The following INPP5A variants were observed in gnomAD, a reference collection of about 807,000 sequenced individuals.
The protein encoded by INPP5A is 43 kDa inositol polyphosphate 5-phophatase.
A neutral mutation model predicts 65.2 loss-of-function variants in INPP5A; 14 were observed. The observed-to-expected ratio is 0.21, with a 90% confidence interval of 0.14 to 0.34. The LOEUF (loss-of-function observed/expected upper bound fraction) is 0.34. Among genes scored for constraint, INPP5A ranks in the 10% least tolerant of loss-of-function variants. The pLI is 1.00. For synonymous variants in INPP5A, 207 were observed against 208.3 expected, an observed-to-expected ratio of 0.99 and a Z score of 0.05; for missense variants, 431 against 545.6, an observed-to-expected ratio of 0.79 and a Z score of 2.09.
chr10:132,548,669 C>T (rs759003093), intron 1 of INPP5A, among the ~76,000 whole-genome samples: 11 of 152,178 alleles, frequency 7.2e-5, no homozygotes, highest in Non-Finnish European at 1.3e-4. Flanking sequence ...TCGCCTGCGC[C>T]GAGGGCACTG....
chr10:132,585,926 T>G (rs1408412120), intron 1 of INPP5A, among the ~76,000 whole-genome samples: 1 of 152,246 alleles, frequency 6.6e-6, no homozygotes, highest in African/African-American at 2.4e-5. Context: ...GATCCCACCC[T>G]GAGGGTGCTG....
At chr10:132,716,789 A>C (rs1845747133) in intron 8 of INPP5A, among the ~76,000 whole-genome samples, 1 of 152,208 alleles carries the variant, frequency 6.6e-6, no homozygotes, top group Non-Finnish European at 1.5e-5. Context: ...AGAGTGAGAA[A>C]AACAAAAGTA....
At chr10:132,561,519 T>G (rs907656172) in intron 1 of INPP5A, among the ~76,000 whole-genome samples, 1 of 152,094 alleles carries the variant, frequency 6.6e-6, no homozygotes, top group Admixed American at 6.5e-5. Context: ...ATATATAGAT[T>G]TATTTTTGGA....
chr10:132,686,976 G>A (rs567776626), intron 4 of INPP5A, among the ~76,000 whole-genome samples: 4 of 152,116 alleles, frequency 2.6e-5, no homozygotes, highest in African/African-American at 7.2e-5. Context: ...ACGGAGTCTC[G>A]CCCTGTCACC....
chr10:132,782,257 T>TG lies in INPP5A; in HGVS notation c.*228_*229insG. ...CATTAAGTAGAAATATTGGTTTTTT[T>TG]TTTTTTTTTTTAAATAAGTCACAGT... On this transcript the variant is annotated 3_prime_UTR_variant, in exon 16 of 16. Transcript: ENST00000368594. This position sits in a 1 kb window ranked among gnomAD's most constrained non-coding sequence, Gnocchi z 4.4. 2.2e-6 allele frequency: 1 copy of TG among 455,386 alleles called. No individual in the cohort carries two copies. Among genetic ancestry groups the TG allele is most frequent in the Non-Finnish European group, 3.9e-6 (1 of 255,708 alleles). The allele number at this position is 455,386 out of a possible 1,614,324, so 28.2% of individuals were successfully genotyped here.
At chr10:132,652,533 T>C (rs1364567281) in intron 4 of INPP5A, among the ~76,000 whole-genome samples, 1 of 152,226 alleles carries the variant, frequency 6.6e-6, no homozygotes, top group Non-Finnish European at 1.5e-5. Context: ...GCAAGTTACA[T>C]GAAGGCCCTT....
chr10:132,687,834 C>G (rs939743303), intron 4 of INPP5A, among the ~76,000 whole-genome samples: 1 of 152,240 alleles, frequency 6.6e-6, no homozygotes, highest in African/African-American at 2.4e-5. Context: ...CCTTCCCCAC[C>G]AGACGCAGCA....
At chr10:132,656,962 G>T (rs1021780228) in intron 4 of INPP5A, among the ~76,000 whole-genome samples, 1 of 152,212 alleles carries the variant, frequency 6.6e-6, no homozygotes, top group Non-Finnish European at 1.5e-5. Context: ...GACTTGGGCA[G>T]GCCTGAGCCT....
rs1252428394 is a variant in INPP5A, at chr10:132,753,953, T to C, written c.903+4108T>C. 1 of 152,232 alleles carries C rather than the reference T, an allele frequency of 6.6e-6. No homozygotes were observed. The allele number at this position is 152,232 out of a possible 1,614,324, so 9.4% of individuals were successfully genotyped here. Reference sequence around the variant, plus strand: ...ATGTTTGTGAAAAATCTCAGAGAGATACAAATTATCAATTCAACAGCAACG... The same window carrying C: ...ATGTTTGTGAAAAATCTCAGAGAGACACAAATTATCAATTCAACAGCAACG... On this transcript the variant is annotated intron_variant, in intron 11 of 15. Transcript: ENST00000368594. The surrounding 1 kb of genome is among the most constrained non-coding windows in gnomAD (Gnocchi z 5.3).
intron 8 of INPP5A, 88 bp from the exon 9 acceptor site, chr10:132,726,733 G>A: frequency 1.1e-6 from 1 of 891,072 alleles, no homozygotes; most frequent in Non-Finnish European, 1.8e-6. Flanking sequence ...AGAGTGTGCG[G>A]ATGGGGAGCG....
intron 2 of INPP5A, among the ~76,000 whole-genome samples, chr10:132,642,248 G>A (rs1176669874): frequency 1.3e-5 from 2 of 152,230 alleles, no homozygotes; most frequent in Non-Finnish European, 2.9e-5. Flanking sequence ...TTCCAGCAGA[G>A]GGGCAGCAGC....
chr10:132,640,337 G>C (rs187673288), intron 2 of INPP5A, among the ~76,000 whole-genome samples: 30 of 152,224 alleles, frequency 2.0e-4, no homozygotes, highest in African/African-American at 6.5e-4. Flanking sequence ...AGACTCAAGC[G>C]GCTTCATACA....
intron 1 of INPP5A, among the ~76,000 whole-genome samples, chr10:132,592,991 C>T (rs1441906767): frequency 5.3e-5 from 8 of 152,154 alleles, no homozygotes; most frequent in Non-Finnish European, 1.5e-5. Context: ...CAGACTGCCT[C>T]AGGTGCTTGG....
chr10:132,540,632 T>C (rs2133238412), intron 1 of INPP5A, among the ~76,000 whole-genome samples: 1 of 152,320 alleles, frequency 6.6e-6, no homozygotes, highest in East Asian at 1.9e-4. Flanking sequence ...GCCTGGCCGG[T>C]GGAAGGAAAT....
intron 1 of INPP5A, among the ~76,000 whole-genome samples, chr10:132,539,676 G>A (rs964499437): frequency 6.6e-6 from 1 of 152,084 alleles, no homozygotes; most frequent in South Asian, 2.1e-4. Context: ...GTGGAGCCAC[G>A]GACGCTCCCT....
At chr10:132,623,045 C>T (rs891471445) in intron 2 of INPP5A, among the ~76,000 whole-genome samples, 11 of 152,186 alleles carry the variant, frequency 7.2e-5, no homozygotes, top group Non-Finnish European at 1.3e-4. Context: ...GACTCAGTTA[C>T]GCTGACATGT....
chr10:132,673,666 C>A (rs912068119), intron 4 of INPP5A, among the ~76,000 whole-genome samples: 2 of 152,156 alleles, frequency 1.3e-5, no homozygotes, highest in African/African-American at 4.8e-5. Context: ...TGTGGAACAC[C>A]ATGATGGTGG....
At chr10:132,696,466 G>C (rs990003638) in intron 5 of INPP5A, among the ~76,000 whole-genome samples, 2 of 152,190 alleles carry the variant, frequency 1.3e-5, no homozygotes, top group Non-Finnish European at 2.9e-5. Context: ...TGGCATGTCA[G>C]CTCCACGGGG....
At chr10:132,671,789 T>C (rs1011787819) in intron 4 of INPP5A, among the ~76,000 whole-genome samples, 1 of 152,118 alleles carries the variant, frequency 6.6e-6, no homozygotes, top group African/African-American at 2.4e-5. Flanking sequence ...GTGTCACAGA[T>C]AGAGATGTTG....
Sources: allele counts gnomAD v4.1 joint callset (sites outside exome capture counted in the v4.1 genomes callset), GRCh38; gene constraint gnomAD v4.1.1; non-coding constraint Gnocchi (gnomAD v3.1); transcripts MANE v1.5; gene names NCBI Gene and HGNC (gene_info 2026-07-23, HGNC 2026-07-21).